Variants in NPTN observed in about 807,000 individuals in gnomAD.
NPTN encodes the protein neuroplastin.
In NPTN, 5 loss-of-function variants were observed where a neutral mutation model predicts 42.7. The ratio of observed to expected loss-of-function variants is 0.12; its 90% CI spans 0.06 to 0.25. NPTN has a LOEUF of 0.25. Among genes scored for constraint, NPTN ranks in the 10% least tolerant of loss-of-function variants. The probability of loss-of-function intolerance (pLI) is 1.00; values close to 1 mark genes in which losing one functional copy is unlikely to be tolerated. For synonymous variants in NPTN, 180 were observed against 201.9 expected, an observed-to-expected ratio of 0.89 and a Z score of 0.92; for missense variants, 307 against 525.4, an observed-to-expected ratio of 0.58 and a Z score of 4.06.
intron 1 of NPTN, among the ~76,000 whole-genome samples, chr15:73,626,463 T>C (rs917807875): frequency 3.9e-5 from 6 of 152,226 alleles, no homozygotes; most frequent in Admixed American, 1.3e-4. Flanking sequence ...CTTTAACCTA[T>C]TGGAGACAGT....
At chr15:73,626,763 C>T (rs1024613643) in intron 1 of NPTN, among the ~76,000 whole-genome samples, 1 of 152,142 alleles carries the variant, frequency 6.6e-6, no homozygotes, top group African/African-American at 2.4e-5. Flanking sequence ...ATGATTAAAA[C>T]TATTGGTACG....
intron 1 of NPTN, among the ~76,000 whole-genome samples, chr15:73,628,591 G>C (rs1898557214): frequency 6.6e-6 from 1 of 151,834 alleles, no homozygotes; most frequent in Non-Finnish European, 1.5e-5. Context: ...CCGAATCGTT[G>C]TAAAAAACCT....
intron 1 of NPTN, among the ~76,000 whole-genome samples, chr15:73,626,132 T>C (rs1175458143): frequency 6.6e-6 from 1 of 152,192 alleles, no homozygotes; most frequent in Non-Finnish European, 1.5e-5. Flanking sequence ...AACATAAAAA[T>C]ACAAATAGTT....
rs2141389250 is a variant in NPTN at position 73,586,621 on chromosome 15, C to T, written c.706+903G>A. On this transcript the variant is annotated intron_variant, in intron 4 of 8. Transcript: ENST00000345330. ...AAATATTTTAGGAAGACCTGAATAC[C>T]TATTATACGGGCCCTTCCTTCTCCT... Among the ~76,000 whole-genome samples the T allele has an allele frequency of 2.0e-5, 3 of 152,308 alleles. No homozygotes were observed. The South Asian group carries it at 6.2e-4, about 32-fold the overall frequency.
intron 1 of NPTN, among the ~76,000 whole-genome samples, chr15:73,625,881 A>G (rs1898379174): frequency 6.6e-6 from 1 of 152,168 alleles, no homozygotes; most frequent in South Asian, 2.1e-4. Context: ...GATCTAAAAG[A>G]AAAAAAGGAA....
intron 2 of NPTN, among the ~76,000 whole-genome samples, chr15:73,596,235 AGAG>A (rs1896829404): frequency 6.6e-6 from 1 of 152,244 alleles, no homozygotes; most frequent in Non-Finnish European, 1.5e-5. Context: ...CTGCTTTTAA[AGAG>A]GAGACTAATT....
At chr15:73,590,530 G>A (rs1021035967) in intron 3 of NPTN, among the ~76,000 whole-genome samples, 5 of 151,898 alleles carry the variant, frequency 3.3e-5, no homozygotes, top group Non-Finnish European at 5.9e-5. Context: ...GAGAGGCCAA[G>A]GTGGGGAGAC....
chr15:73,569,512 G>A lies in NPTN; in HGVS notation c.1114+638C>T, dbSNP rs1302244278. On this transcript the variant is annotated intron_variant, in intron 6 of 8. Coordinates refer to ENST00000345330, the MANE Select transcript of NPTN (RefSeq NM_012428.4). This position sits in a 1 kb window ranked among gnomAD's most constrained non-coding sequence, Gnocchi z 4.1. ...GCTATCTCTGTCTTACACTAGATGG[G>A]TGGATACATCAGACTCTCCTTTGTC... The A allele has an allele frequency of 1.0e-6, 1 of 985,284 alleles. No individual in the cohort carries two copies. Among genetic ancestry groups the A allele is most frequent in the Non-Finnish European group, 1.2e-6 (1 of 829,936 alleles). 61.0% of individuals were successfully genotyped at this position (985,284 alleles called of 1,614,324 possible).
At chr15:73,608,567 A>C (rs1235227577) in intron 1 of NPTN, among the ~76,000 whole-genome samples, 1 of 152,200 alleles carries the variant, frequency 6.6e-6, no homozygotes, top group East Asian at 1.9e-4. Flanking sequence ...ATTCAGAAAA[A>C]TATCCTCAAG....
chr15:73,630,167 C>T (rs1039282888), intron 1 of NPTN, among the ~76,000 whole-genome samples: 26 of 152,228 alleles, frequency 1.7e-4, no homozygotes, highest in African/African-American at 6.0e-4. Context: ...ATCCTCACAT[C>T]ATCCCTAGGG....
At chr15:73,605,381 A>C (rs748249877) in intron 1 of NPTN, among the ~76,000 whole-genome samples, 24 of 152,040 alleles carry the variant, frequency 1.6e-4, no homozygotes, top group Non-Finnish European at 3.1e-4. Context: ...CTGGTTAAAA[A>C]AAAAAAATCT....
chr15:73,596,822 C>T (rs926900793), intron 2 of NPTN, among the ~76,000 whole-genome samples, 200 bp downstream of exon 2: 6 of 150,864 alleles, frequency 4.0e-5, no homozygotes, highest in Non-Finnish European at 7.4e-5. Flanking sequence ...GCAGAGAGAA[C>T]GGCAAAGAAA....
At chr15:73,567,000 GGC>G in intron 6 of NPTN, 1 of 880,234 alleles carries the variant, frequency 1.1e-6, no homozygotes, top group Non-Finnish European at 1.3e-6. Flanking sequence ...AAAGACATGG[GGC>G]TTTTTTTTTT....
At position 73,597,042 on chromosome 15, in the gene NPTN, G is replaced by A; in HGVS notation, c.419C>T (p.Ala140Val). Reference sequence around the variant, plus strand: ...CTCACTCTGAAGGACGCTTATGGTGGCCTGGGCTCGAATCCATGTTATGGA... The same window carrying A: ...CTCACTCTGAAGGACGCTTATGGTGACCTGGGCTCGAATCCATGTTATGGA... ...NPSITWIRAQ[A>V]TISVLQKPRI... Residue 140 changes from alanine (A) to valine (V), a missense_variant, in exon 2 of 9, where the codon GCC becomes GTC. Coordinates refer to ENST00000345330, the MANE Select transcript of NPTN (RefSeq NM_012428.4). The surrounding 1 kb of genome is among the most constrained non-coding windows in gnomAD (Gnocchi z 6.3). 6.2e-7 allele frequency: 1 copy of A among 1,613,894 alleles called. No homozygotes were observed. Among genetic ancestry groups the A allele is most frequent in the Non-Finnish European group, 8.5e-7 (1 of 1,179,926 alleles).
At chr15:73,628,607 C>G (rs11072426) in intron 1 of NPTN, among the ~76,000 whole-genome samples, 2,149 of 152,284 alleles carry the variant, frequency 0.014, 27 homozygotes, top group East Asian at 0.053. Context: ...AACCTTTACA[C>G]AGACCCAGCA....
rs149905117 is a variant in NPTN at position 73,588,986 on chromosome 15, A to T, written c.612-1368T>A. 4.5e-3 allele frequency among the ~76,000 whole-genome samples: 683 copies of T among 152,240 alleles called. 7 individuals carry two copies. The highest frequency in any genetic ancestry group is 0.016 in the African/African-American group (660 of 41,514). On this transcript the variant is annotated intron_variant, in intron 3 of 8. Transcript: ENST00000345330. ...GAGTGAACACAAACACAGAGTGAAT[A>T]TCTATGTACAGATTCAGATCAAGTT...
chr15:73,625,616 C>T (rs1320269233), intron 1 of NPTN, among the ~76,000 whole-genome samples: 1 of 152,184 alleles, frequency 6.6e-6, no homozygotes, highest in African/African-American at 2.4e-5. Flanking sequence ...CAGGAGTGAG[C>T]CACCGCGTCC....
chr15:73,631,393 T>G (rs1316826690), intron 1 of NPTN, among the ~76,000 whole-genome samples: 1 of 152,200 alleles, frequency 6.6e-6, no homozygotes, highest in African/African-American at 2.4e-5. Flanking sequence ...ACTTAGCATA[T>G]TCAATGCTAG....
intron 1 of NPTN, among the ~76,000 whole-genome samples, chr15:73,606,971 T>C (rs910222817): frequency 1.4e-4 from 22 of 152,132 alleles, no homozygotes; most frequent in African/African-American, 5.3e-4. Context: ...GCCTCCACCA[T>C]TCCCTAGCTG....
Sources: allele counts gnomAD v4.1 joint callset (sites outside exome capture counted in the v4.1 genomes callset), GRCh38; gene constraint gnomAD v4.1.1; non-coding constraint Gnocchi (gnomAD v3.1); transcripts MANE v1.5; gene names NCBI Gene and HGNC (gene_info 2026-07-23, HGNC 2026-07-21).